CYRIA: variants seen among roughly 807,000 people sequenced by gnomAD.
The protein encoded by CYRIA is CYFIP-related Rac1 interactor A.
Under a neutral mutation model 43.9 loss-of-function variants are expected in CYRIA, and 15 were observed. The observed-to-expected ratio is 0.34, with a 90% CI of 0.23 to 0.53. CYRIA has a LOEUF of 0.53. CYRIA is among the 20% of genes least tolerant of loss of function. CYRIA has a pLI of 0.94. For missense variants in CYRIA, 236 were observed against 394.2 expected (o/e 0.60, Z 3.40); for synonymous variants, 117 against 136.0 (o/e 0.86, Z 0.97).
rs1666219707 is a variant in CYRIA at position 16,549,514 on chromosome 2, G to C, written c.*3422C>G. 6.6e-6 allele frequency: 1 copy of C among 151,632 alleles called. No individual in the cohort carries two copies. Among genetic ancestry groups the C allele is most frequent in the Non-Finnish European group, 1.5e-5 (1 of 67,918 alleles). 9.4% of individuals were successfully genotyped at this position (151,632 alleles called of 1,614,324 possible). Reference sequence around the variant, plus strand: ...TCATTTCACACTCAAAACTCCTGTAGAAAAAAAGGCAAAGCAGGCAAAAAA... The same window carrying C: ...TCATTTCACACTCAAAACTCCTGTACAAAAAAAGGCAAAGCAGGCAAAAAA... On this transcript the variant is annotated 3_prime_UTR_variant, in exon 12 of 12. Transcript: ENST00000381323.
chr2:16,560,339 T>C (rs1187394662), intron 9 of CYRIA, among the ~76,000 whole-genome samples: 2 of 152,182 alleles, frequency 1.3e-5, no homozygotes, highest in South Asian at 4.1e-4. Flanking sequence ...GTACTCTTGA[T>C]GGCTTTGGTC....
chr2:16,585,601 C>T (rs981320830), intron 3 of CYRIA, among the ~76,000 whole-genome samples: 2 of 152,162 alleles, frequency 1.3e-5, no homozygotes, highest in Non-Finnish European at 2.9e-5. Context: ...ATCCAGTCCA[C>T]ACTTCTTCCC....
intron 2 of CYRIA, among the ~76,000 whole-genome samples, chr2:16,618,535 G>T (rs1172481830): frequency 6.6e-6 from 1 of 152,186 alleles, no homozygotes; most frequent in Non-Finnish European, 1.5e-5. Context: ...TGTAAGGAGG[G>T]CAAGTGATTC....
chr2:16,555,220 A>G (rs1332348234), intron 10 of CYRIA, 81 bp from the exon 11 acceptor site: 6 of 1,242,322 alleles, frequency 4.8e-6, no homozygotes, highest in Non-Finnish European at 5.7e-6. Context: ...ACATGTGCCC[A>G]TAATGTCACA....
chr2:16,568,952 T>A (rs1203649224), intron 3 of CYRIA, among the ~76,000 whole-genome samples: 1 of 152,066 alleles, frequency 6.6e-6, no homozygotes, highest in Admixed American at 6.5e-5. Context: ...CTGTTGATGA[T>A]TACTTAAACA....
intron 2 of CYRIA, among the ~76,000 whole-genome samples, chr2:16,606,637 T>C (rs548636942): frequency 3.3e-5 from 5 of 152,238 alleles, no homozygotes; most frequent in Non-Finnish European, 5.9e-5. Flanking sequence ...ACATTTGTTC[T>C]TGAAGTTTAT....
intron 1 of CYRIA, among the ~76,000 whole-genome samples, chr2:16,647,920 GCCA>G (rs1669865263): frequency 6.6e-6 from 1 of 152,160 alleles, no homozygotes; most frequent in African/African-American, 2.4e-5. Flanking sequence ...TCCTGTTGGA[GCCA>G]CCACTACAGT....
In CYRIA at chr2:16,552,340, A is replaced by G. The variant is rs1666346983; in HGVS notation, c.*596T>C. The G allele has an allele frequency of 6.6e-6, 1 of 152,186 alleles. No homozygotes were observed. The highest frequency in any genetic ancestry group is 2.4e-5 in the African/African-American group (1 of 41,432). The allele number at this position is 152,186 out of a possible 1,614,324, so 9.4% of individuals were successfully genotyped here. A position where few individuals can be genotyped will look rare whatever the true frequency, so the allele number is the denominator to read the frequency against. On this transcript the variant is annotated 3_prime_UTR_variant, in exon 12 of 12. Coordinates refer to ENST00000381323, the MANE Select transcript of CYRIA (RefSeq NM_030797.4). Reference sequence around the variant, plus strand: ...TTTTCATGTGAAATTAAAGGAGAACATTAGAGGGATATAAATCCAAACAGA... The same window carrying G: ...TTTTCATGTGAAATTAAAGGAGAACGTTAGAGGGATATAAATCCAAACAGA...
chr2:16,566,898 A>G (rs940366804), intron 3 of CYRIA, among the ~76,000 whole-genome samples: 6 of 152,288 alleles, frequency 3.9e-5, no homozygotes, highest in Middle Eastern at 6.8e-3. Flanking sequence ...GCTCATGGAG[A>G]GGGGACAGAT....
chr2:16,575,878 A>AAAATAAATAAAT lies in CYRIA; in HGVS notation c.71-10123_71-10112dup, dbSNP rs71297007. Among the ~76,000 whole-genome samples the AAAATAAATAAAT allele has an allele frequency of 3.0e-3, 446 of 147,992 alleles. 1 individual carries two copies. The highest frequency in any genetic ancestry group is 4.3e-3 in the South Asian group (20 of 4,628). On this transcript the variant is annotated intron_variant, in intron 3 of 11. Coordinates refer to ENST00000381323, the MANE Select transcript of CYRIA (RefSeq NM_030797.4). ...CTCAAAAAAATAAAAATAAATAAAT[A>AAAATAAATAAAT]AAATAAATAAATAAATAAATAAATA...
At chr2:16,633,265 CAG>C (rs1669382608) in intron 1 of CYRIA, among the ~76,000 whole-genome samples, 1 of 152,178 alleles carries the variant, frequency 6.6e-6, no homozygotes, top group African/African-American at 2.4e-5. Context: ...AGGCCAGCAG[CAG>C]AGTTTTACTT....
intron 2 of CYRIA, among the ~76,000 whole-genome samples, chr2:16,611,202 A>G (rs1447163466): frequency 7.5e-6 from 1 of 132,472 alleles, no homozygotes; most frequent in Admixed American, 7.7e-5. Context: ...TACTAAAAAT[A>G]CAAAAAAAAA....
At chr2:16,665,242 G>A (rs965392334) in intron 1 of CYRIA, among the ~76,000 whole-genome samples, 2 of 152,120 alleles carry the variant, frequency 1.3e-5, no homozygotes, top group African/African-American at 4.8e-5. Context: ...GGGGAGGAGA[G>A]AGGGTGACGG....
chr2:16,555,017 G>A (rs2103399651), intron 11 of CYRIA, 52 bp downstream of exon 11: 1 of 1,446,464 alleles, frequency 6.9e-7, no homozygotes, highest in Non-Finnish European at 9.7e-7. Flanking sequence ...AATTTGCAAT[G>A]GCCCTGAAAG....
chr2:16,597,233 G>T (rs1668059642), intron 2 of CYRIA, among the ~76,000 whole-genome samples: 1 of 98,454 alleles, frequency 1.0e-5, no homozygotes. Flanking sequence ...GAGTTCTGTA[G>T]ATGTCTATTA....
chr2:16,642,017 C>T (rs1669691896), intron 1 of CYRIA, among the ~76,000 whole-genome samples: 1 of 152,176 alleles, frequency 6.6e-6, no homozygotes, highest in Non-Finnish European at 1.5e-5. Context: ...TCTTTGGTTG[C>T]CTCTTTCTCT....
intron 1 of CYRIA, among the ~76,000 whole-genome samples, chr2:16,664,624 C>T (rs1670343212): frequency 6.6e-6 from 1 of 152,196 alleles, no homozygotes; most frequent in African/African-American, 2.4e-5. Flanking sequence ...CCACTCTCCT[C>T]CTGCTGCCCC....
chr2:16,578,252 T>A (rs879926543), intron 3 of CYRIA, among the ~76,000 whole-genome samples: 4 of 152,118 alleles, frequency 2.6e-5, no homozygotes, highest in East Asian at 1.9e-4. Context: ...ACCCCACTAG[T>A]GGACTGACAG....
chr2:16,618,952 G>A (rs1031365725), intron 2 of CYRIA, among the ~76,000 whole-genome samples: 2 of 152,208 alleles, frequency 1.3e-5, no homozygotes, highest in African/African-American at 4.8e-5. Flanking sequence ...TAGGCTTGTG[G>A]AGAGGGTGAT....
Sources: gnomAD v4.1 joint callset for allele counts (sites outside exome capture counted in the v4.1 genomes callset) on GRCh38, gnomAD v4.1.1 for gene constraint, MANE v1.5 for transcripts, NCBI Gene and HGNC (gene_info 2026-07-23, HGNC 2026-07-21) for gene names.